The following PRTG variants were observed in gnomAD, a reference collection of about 807,000 sequenced individuals.
PRTG encodes the protein immunoglobulin superfamily, DCC subclass, member 5.
PRTG carries 67 observed loss-of-function variants against 122.5 expected under a neutral mutation model. The ratio of observed to expected loss-of-function variants is 0.55; its 90% CI spans 0.45 to 0.67. PRTG has a LOEUF of 0.67. Ranked by LOEUF, PRTG falls within the 30% of genes least tolerant of loss-of-function variation. PRTG has a pLI of 0.00. For synonymous variants in PRTG, 554 were observed against 501.1 expected (o/e 1.11, Z -1.41); for missense variants, 1,435 against 1,415.4 (o/e 1.01, Z -0.22).
chr15:55,642,375 G>C (rs1349756679), intron 11 of PRTG, among the ~76,000 whole-genome samples: 1 of 151,932 alleles, frequency 6.6e-6, no homozygotes, highest in Non-Finnish European at 1.5e-5. Context: ...CCAGCACTTT[G>C]GGAGGCCGAG....
intron 2 of PRTG, among the ~76,000 whole-genome samples, chr15:55,696,569 A>T (rs2141835453): frequency 6.6e-6 from 1 of 152,328 alleles, no homozygotes; most frequent in East Asian, 1.9e-4. Flanking sequence ...ACCAAAGAAC[A>T]GGTTTCAAAC....
chr15:55,639,229 C>G (rs1040338200), intron 13 of PRTG, among the ~76,000 whole-genome samples: 16 of 152,076 alleles, frequency 1.1e-4, no homozygotes, highest in Non-Finnish European at 4.4e-5. Context: ...CCACCTCAGC[C>G]CCCCCAAAAT....
intron 18 of PRTG, among the ~76,000 whole-genome samples, chr15:55,623,019 T>C (rs557976622): frequency 6.6e-6 from 1 of 152,332 alleles, no homozygotes; most frequent in South Asian, 2.1e-4. Flanking sequence ...TTGTATACAA[T>C]GCTGTACTAG....
chr15:55,706,998 G>A (rs1486030049), intron 2 of PRTG, among the ~76,000 whole-genome samples: 10 of 152,126 alleles, frequency 6.6e-5, no homozygotes, highest in African/African-American at 1.9e-4. Context: ...TTTAAAAGAC[G>A]CCCAGGTGAC....
intron 2 of PRTG, among the ~76,000 whole-genome samples, chr15:55,728,094 G>C (rs752730133): frequency 1.4e-4 from 22 of 152,044 alleles, no homozygotes; most frequent in Non-Finnish European, 2.9e-4. Flanking sequence ...TCAAACTTCT[G>C]AGCTCAGGCA....
intron 2 of PRTG, among the ~76,000 whole-genome samples, chr15:55,698,260 C>A (rs2059642622): frequency 6.6e-6 from 1 of 152,158 alleles, no homozygotes; most frequent in Non-Finnish European, 1.5e-5. Flanking sequence ...CAATCAGGGT[C>A]TCTTCTGTCA....
At chr15:55,677,316 A>G (rs995994139) in intron 8 of PRTG, among the ~76,000 whole-genome samples, 6 of 152,206 alleles carry the variant, frequency 3.9e-5, no homozygotes, top group African/African-American at 9.6e-5. Context: ...AACATTCAAA[A>G]TATACAAAAT....
At chr15:55,653,409 G>C (rs920966843) in intron 11 of PRTG, among the ~76,000 whole-genome samples, 17 of 151,622 alleles carry the variant, frequency 1.1e-4, no homozygotes, top group Non-Finnish European at 2.1e-4. Context: ...CTTTGTACGT[G>C]TCCTTTGAGA....
intron 2 of PRTG, among the ~76,000 whole-genome samples, chr15:55,701,728 A>C (rs926816305): frequency 6.6e-6 from 1 of 152,236 alleles, no homozygotes; most frequent in African/African-American, 2.4e-5. Flanking sequence ...AAATTCATAC[A>C]GTGAAGTACT....
At chr15:55,742,007 A>C (rs566876250) in intron 1 of PRTG, among the ~76,000 whole-genome samples, 1 of 152,276 alleles carries the variant, frequency 6.6e-6, no homozygotes, top group African/African-American at 2.4e-5. Flanking sequence ...TTACACTTTT[A>C]TCTCTTCTAG....
At chr15:55,692,680 G>C (rs535201108) in intron 2 of PRTG, among the ~76,000 whole-genome samples, 3 of 150,582 alleles carry the variant, frequency 2.0e-5, no homozygotes, top group Non-Finnish European at 4.4e-5. Context: ...TTTAATTTTT[G>C]ATTTACAGCT....
chr15:55,627,158 C>A, intron 16 of PRTG, 30 bp from the exon 17 acceptor site: 2 of 1,489,660 alleles, frequency 1.3e-6, no homozygotes, highest in East Asian at 2.4e-5. Context: ...TACTCAGAAT[C>A]AATCAGAAAA....
Position 55,677,958 on chromosome 15 carries a change from C to T in PRTG, c.1220G>A (p.Arg407Lys), listed in dbSNP as rs1465870583. 4 of 1,613,080 alleles carry T rather than the reference C, an allele frequency of 2.5e-6. No individual in the cohort carries two copies. Among genetic ancestry groups the T allele is most frequent in the Non-Finnish European group, 2.5e-6 (3 of 1,179,310 alleles). The change falls in exon 8 of 20, where the codon AGA becomes AAA. Residue 407 changes from arginine (R) to lysine (K), a missense_variant. Arg to Lys is a conservative substitution (Grantham distance 26). Coordinates refer to ENST00000389286, the MANE Select transcript of PRTG (RefSeq NM_173814.6). ...TGACATCACTACAGTCAGTCTGGCT[C>T]TAGATAAAATAGATCCTTGGCTATT... ...AENSQGSILS[R>K]ARLTVVMSED...
At position 55,677,963 on chromosome 15, in the gene PRTG, T is replaced by C. The variant is rs899067121; in HGVS notation, c.1215A>G (p.Leu405=). ...CMAENSQGSI[L]SRARLTVVMS... ...TCACTACAGTCAGTCTGGCTCTAGA[T>C]AAAATAGATCCTTGGCTATTCTCAG... The change falls in exon 8 of 20, where the codon TTA becomes TTG. Residue 405 remains leucine (L), a synonymous_variant. Coordinates refer to ENST00000389286, the MANE Select transcript of PRTG (RefSeq NM_173814.6). 3 of 1,613,232 alleles carry C rather than the reference T, an allele frequency of 1.9e-6. No homozygotes were observed. Among genetic ancestry groups the C allele is most frequent in the Admixed American group, 1.7e-5 (1 of 59,980 alleles).
At chr15:55,655,398 C>CA (rs2059374195) in intron 11 of PRTG, 1 of 151,986 alleles carries the variant, frequency 6.6e-6, no homozygotes, top group African/African-American at 2.4e-5. Context: ...AGAATTAAAC[C>CA]AAAAAGATTT....
chr15:55,640,728 AGC>A (rs1373253803), intron 12 of PRTG, among the ~76,000 whole-genome samples: 1 of 152,078 alleles, frequency 6.6e-6, no homozygotes, highest in Non-Finnish European at 1.5e-5. Context: ...AAGATACTTT[AGC>A]CAGGTGCGGT....
At chr15:55,650,091 A>T (rs927317646) in intron 11 of PRTG, among the ~76,000 whole-genome samples, 1 of 152,182 alleles carries the variant, frequency 6.6e-6, no homozygotes, top group Non-Finnish European at 1.5e-5. Context: ...GAATTTGGAG[A>T]TTTGGATATA....
At position 55,743,055 on chromosome 15, in the gene PRTG, G is replaced by C. The variant is rs943379405; in HGVS notation, c.-124C>G. On this transcript the variant is annotated 5_prime_UTR_variant, in exon 1 of 20. Coordinates refer to ENST00000389286, the MANE Select transcript of PRTG (RefSeq NM_173814.6). Reference sequence around the variant, plus strand: ...CAGCCTGGCTCCCCGCTCCGGCTCCGGCACCGGCGTGGCGAGCGTCTCTGC... The same window carrying C: ...CAGCCTGGCTCCCCGCTCCGGCTCCCGCACCGGCGTGGCGAGCGTCTCTGC... 3.1e-6 allele frequency: 4 copies of C among 1,307,238 alleles called. No homozygotes were observed. Among genetic ancestry groups the C allele is most frequent in the Admixed American group, 4.2e-5 (1 of 23,668 alleles). 81.0% of individuals were successfully genotyped at this position (1,307,238 alleles called of 1,614,324 possible).
intron 11 of PRTG, among the ~76,000 whole-genome samples, chr15:55,650,963 T>C: frequency 6.6e-6 from 1 of 151,710 alleles, no homozygotes; most frequent in South Asian, 2.1e-4. Flanking sequence ...TGAGACTCAG[T>C]CTCAAAAAAA....
Sources: gnomAD v4.1 joint callset for allele counts (sites outside exome capture counted in the v4.1 genomes callset) on GRCh38, gnomAD v4.1.1 for gene constraint, MANE v1.5 for transcripts, NCBI Gene and HGNC (gene_info 2026-07-23, HGNC 2026-07-21) for gene names.